REDIC1: variants seen among roughly 807,000 people sequenced by gnomAD.
The protein encoded by REDIC1 is regulator of DNA class I crossover intermediates 1, also known as HEI10 Interacting Protein 1.
the REDIC1 span, among the ~76,000 whole-genome samples, chr12:39,628,447 A>AT: frequency 1.3e-5 from 2 of 152,146 alleles, no homozygotes; most frequent in African/African-American, 4.8e-5. Flanking sequence ...TAGAATAGAA[A>AT]TTTTAATCTT....
chr12:39,730,025 A>G, the REDIC1 span, among the ~76,000 whole-genome samples: 1 of 151,906 alleles, frequency 6.6e-6, no homozygotes, highest in Non-Finnish European at 1.5e-5. Context: ...ATATTCCTCC[A>G]TCCTTTTATT....
chr12:39,688,423 T>A, the REDIC1 span, among the ~76,000 whole-genome samples: 1 of 152,142 alleles, frequency 6.6e-6, no homozygotes, highest in Non-Finnish European at 1.5e-5. Context: ...GATGTCAGAG[T>A]ACAGCCTGTT....
At chr12:39,715,047 G>A in the REDIC1 span, among the ~76,000 whole-genome samples, 18 of 151,780 alleles carry the variant, frequency 1.2e-4, no homozygotes, top group South Asian at 2.1e-4. Flanking sequence ...TCCTTTTGCC[G>A]TGCAAAAGCT....
chr12:39,642,536 C>T, the REDIC1 span, among the ~76,000 whole-genome samples: 28,495 of 151,570 alleles, frequency 0.19, 3,028 homozygotes, highest in African/African-American at 0.28. Context: ...TCATCTCCCT[C>T]ACTATGGTCT....
chr12:39,644,847 T>C, the REDIC1 span, among the ~76,000 whole-genome samples: 12 of 151,988 alleles, frequency 7.9e-5, no homozygotes, highest in South Asian at 4.1e-4. Flanking sequence ...AACATACAGA[T>C]TTATTTAGTA....
chr12:39,631,229 G>A, the REDIC1 span, among the ~76,000 whole-genome samples: 1 of 152,052 alleles, frequency 6.6e-6, no homozygotes, highest in African/African-American at 2.4e-5. Context: ...ACATTTTGAT[G>A]GCATTTTGTT....
the REDIC1 span, among the ~76,000 whole-genome samples, chr12:39,839,458 C>T: frequency 6.6e-6 from 1 of 152,068 alleles, no homozygotes; most frequent in African/African-American, 2.4e-5. Context: ...AAATTATCCT[C>T]TCCACTCTAT....
chr12:39,653,291 G>C, the REDIC1 span, among the ~76,000 whole-genome samples: 1 of 151,546 alleles, frequency 6.6e-6, no homozygotes, highest in Admixed American at 6.6e-5. Context: ...TTCGTAAATG[G>C]AATTACTTTC....
the REDIC1 span, among the ~76,000 whole-genome samples, chr12:39,752,632 G>A: frequency 1.3e-5 from 2 of 152,120 alleles, no homozygotes; most frequent in African/African-American, 2.4e-5. Flanking sequence ...AGTCAAAGCA[G>A]GCTCTGAGAA....
the REDIC1 span, among the ~76,000 whole-genome samples, chr12:39,740,722 T>C: frequency 6.6e-6 from 1 of 152,138 alleles, no homozygotes; most frequent in Non-Finnish European, 1.5e-5. Context: ...AACAACTATA[T>C]CTGTTCAGAA....
At chr12:39,723,646 T>C in the REDIC1 span, among the ~76,000 whole-genome samples, 1 of 151,980 alleles carries the variant, frequency 6.6e-6, no homozygotes, top group South Asian at 2.1e-4. Flanking sequence ...AAAATGAAAA[T>C]TTAATGATTC....
the REDIC1 span, among the ~76,000 whole-genome samples, chr12:39,717,478 C>A: frequency 1.3e-5 from 2 of 151,782 alleles, no homozygotes; most frequent in Admixed American, 1.3e-4. Context: ...CATCATAATC[C>A]TCATCATCTT....
At chr12:39,770,241 C>T in the REDIC1 span, among the ~76,000 whole-genome samples, 1 of 151,974 alleles carries the variant, frequency 6.6e-6, no homozygotes, top group Non-Finnish European at 1.5e-5. Context: ...TTTATTCTGG[C>T]CTTGATCTTT....
the REDIC1 span, among the ~76,000 whole-genome samples, chr12:39,694,040 T>C: frequency 6.6e-6 from 1 of 152,328 alleles, no homozygotes; most frequent in Admixed American, 6.5e-5. Flanking sequence ...CTTCGCTCTG[T>C]GTGAAGTTGA....
the REDIC1 span, among the ~76,000 whole-genome samples, chr12:39,740,161 C>T: frequency 2.6e-5 from 4 of 152,086 alleles, no homozygotes; most frequent in African/African-American, 9.7e-5. Context: ...GACTTACATC[C>T]CTACATTTTA....
At chr12:39,713,760 CGTA>C in the REDIC1 span, among the ~76,000 whole-genome samples, 2 of 146,794 alleles carry the variant, frequency 1.4e-5, no homozygotes, top group African/African-American at 5.0e-5. Flanking sequence ...CATGTATACA[CGTA>C]TATATATATT....
At chr12:39,756,462 T>A in the REDIC1 span, 2 of 151,884 alleles carry the variant, frequency 1.3e-5, no homozygotes, top group African/African-American at 4.8e-5. Flanking sequence ...AACGTCTCAT[T>A]AATTTTGTTG....
At chr12:39,747,925 A>G in the REDIC1 span, among the ~76,000 whole-genome samples, 1 of 152,228 alleles carries the variant, frequency 6.6e-6, no homozygotes, top group Non-Finnish European at 1.5e-5. Context: ...CTCCTGAAGG[A>G]AGCAATAAAC....
At chr12:39,838,507 A>T in the REDIC1 span, among the ~76,000 whole-genome samples, 47 of 17,296 alleles carry the variant, frequency 2.7e-3, no homozygotes, top group East Asian at 0.015. Flanking sequence ...AAAATAAATT[A>T]AAAAAAAAAA....
Sources: allele counts gnomAD v4.1 joint callset (sites outside exome capture counted in the v4.1 genomes callset), GRCh38; gene constraint gnomAD v4.1.1; transcripts MANE v1.5; gene names NCBI Gene and HGNC (gene_info 2026-07-23, HGNC 2026-07-21).